Variants in LY9 observed in about 807,000 individuals in gnomAD.
LY9 encodes the protein lymphocyte antigen 9.
A neutral mutation model predicts 64.6 loss-of-function variants in LY9; 59 were observed. The observed-to-expected ratio is 0.91, with a 90% CI of 0.74 to 1.13. LY9 has a LOEUF of 1.13. Ranked by LOEUF, LY9 falls within the 50% of genes most tolerant of loss-of-function variation. LY9 has a pLI of 0.00. For missense variants in LY9, 789 were observed against 797.2 expected (o/e 0.99, Z 0.12); for synonymous variants, 281 against 308.5 (o/e 0.91, Z 0.93).
intron 1 of LY9, chr1:160,797,244 C>A: frequency 1.0e-6 from 1 of 985,538 alleles, no homozygotes; most frequent in Non-Finnish European, 1.2e-6. Flanking sequence ...TGTGCTCCCG[C>A]TTTCTCCAGG....
chr1:160,802,185 G>T, intron 2 of LY9: 1 of 1,234,984 alleles, frequency 8.1e-7, no homozygotes, highest in African/African-American at 1.6e-5. Flanking sequence ...GTGTGCCAGT[G>T]GGGTTTGTGC....
Position 160,814,547 on chromosome 1 carries a change from A to G in LY9, c.858A>G (p.Thr286=), listed in dbSNP as rs1193821869. ...DTEKVVWLFN[T]SIISKEREEA... Reference sequence around the variant, plus strand: ...AGAAGGTTGTCTGGTTGTTTAACACATCCATCATTAGCAAAGAGAGGGAAG... The same window carrying G: ...AGAAGGTTGTCTGGTTGTTTAACACGTCCATCATTAGCAAAGAGAGGGAAG... Residue 286 remains threonine (T), a synonymous_variant, in exon 4 of 10, where the codon ACA becomes ACG. Transcript: ENST00000263285. 6.2e-7 allele frequency: 1 copy of G among 1,614,162 alleles called. No homozygotes were observed. The highest frequency in any genetic ancestry group is 1.1e-5 in the South Asian group (1 of 91,084).
chr1:160,825,333 C>A (rs1010496403), intron 9 of LY9, among the ~76,000 whole-genome samples: 2 of 152,032 alleles, frequency 1.3e-5, no homozygotes, highest in African/African-American at 2.4e-5. Flanking sequence ...CTTCTTTGAT[C>A]TTTGTAATAC....
chr1:160,806,129 A>G (rs566598018), intron 2 of LY9, among the ~76,000 whole-genome samples: 2 of 152,114 alleles, frequency 1.3e-5, no homozygotes, highest in Non-Finnish European at 2.9e-5. Context: ...CCATTCCACC[A>G]TTCTACATCT....
rs577582273 is a variant in LY9 at position 160,804,539 on chromosome 1, G to C, written c.454+4457G>C. Among the ~76,000 whole-genome samples, 3 of 152,086 alleles carry C rather than the reference G, an allele frequency of 2.0e-5. No individual in the cohort carries two copies. The South Asian group carries it at 6.2e-4, about 32-fold the overall frequency. On this transcript the variant is annotated intron_variant, in intron 2 of 9. Coordinates refer to ENST00000263285, the MANE Select transcript of LY9 (RefSeq NM_002348.4). ...CTATGTTCATCAGGAATATTGGCCT[G>C]TAGTTTTCTTTTTGTTGTTGTGTCC...
At chr1:160,797,107 A>C in intron 1 of LY9, 1 of 985,418 alleles carries the variant, frequency 1.0e-6, no homozygotes, top group Non-Finnish European at 1.2e-6. Context: ...CCTCCCTATC[A>C]AGGCCCAACT....
At chr1:160,827,691 G>A in intron 9 of LY9, 57 bp from the exon 10 acceptor site, 5 of 1,371,396 alleles carry the variant, frequency 3.6e-6, no homozygotes, top group Non-Finnish European at 4.1e-6. Context: ...TCTTTCATCA[G>A]CCTCACTCTT....
rs117643795 is a variant in LY9 at position 160,822,932 on chromosome 1, C to A, written c.1499-533C>A. Among the ~76,000 whole-genome samples, 20 of 152,320 alleles carry A rather than the reference C, an allele frequency of 1.3e-4. No homozygotes were observed. In the East Asian group the frequency reaches 2.9e-3, roughly 22 times the overall value. ...CTGTTCCCTCCTCCACCTAGAATACCCTTCCACTCATCGAAATATTGAATC... is the reference window on the plus strand; with the variant it reads ...CTGTTCCCTCCTCCACCTAGAATACACTTCCACTCATCGAAATATTGAATC... On this transcript the variant is annotated intron_variant, in intron 7 of 9. Transcript: ENST00000263285.
At chr1:160,822,257 G>A (rs971259285) in intron 7 of LY9, among the ~76,000 whole-genome samples, 1 of 152,072 alleles carries the variant, frequency 6.6e-6, no homozygotes, top group Non-Finnish European at 1.5e-5. Flanking sequence ...GGTGGGGACC[G>A]GCTGCTGGTG....
intron 7 of LY9, among the ~76,000 whole-genome samples, chr1:160,821,863 A>T (rs1668479826): frequency 6.6e-6 from 1 of 152,236 alleles, no homozygotes; most frequent in African/African-American, 2.4e-5. Flanking sequence ...AGCATCAGGG[A>T]CAAGACTAGC....
chr1:160,800,191 G>T, intron 2 of LY9, 109 bp downstream of exon 2: 1 of 781,030 alleles, frequency 1.3e-6, no homozygotes, highest in Admixed American at 2.8e-5. Context: ...TACTGATCAA[G>T]TCAGAGTTTT....
intron 9 of LY9, among the ~76,000 whole-genome samples, chr1:160,825,020 T>C (rs1668778354): frequency 6.8e-6 from 1 of 146,626 alleles, no homozygotes; most frequent in Non-Finnish European, 1.5e-5. Context: ...CTGGGCAACA[T>C]GGTGAAACCC....
intron 5 of LY9, 58 bp downstream of exon 5, chr1:160,816,921 C>T (rs191705876): frequency 5.1e-6 from 8 of 1,557,982 alleles, no homozygotes; most frequent in East Asian, 2.2e-5. Flanking sequence ...CAAGAGTTTG[C>T]ATCCTGACTG....
chr1:160,813,222 C>G (rs748887624), intron 2 of LY9: 13 of 193,898 alleles, frequency 6.7e-5, no homozygotes, highest in Non-Finnish European at 1.3e-4. Flanking sequence ...ACCAAAGACA[C>G]GGGCAACTCA....
intron 2 of LY9, chr1:160,801,860 C>T: frequency 6.2e-7 from 1 of 1,614,204 alleles, no homozygotes; most frequent in Non-Finnish European, 8.5e-7. Context: ...AGGGCAGCGG[C>T]CTGGAGTCCA....
intron 7 of LY9, among the ~76,000 whole-genome samples, chr1:160,820,417 A>G (rs773189278): frequency 1.2e-4 from 19 of 152,174 alleles, no homozygotes; most frequent in Non-Finnish European, 2.6e-4. Context: ...GCTTTAAAAA[A>G]TAAATAAATA....
chr1:160,814,419 G>C lies in LY9; in HGVS notation c.731-1G>C. ...CTGCAATGTCTCATCTGTGACCCCAGATCCAGGAGCCTCCAGAGGAGGAAC... is the reference window on the plus strand; with the variant it reads ...CTGCAATGTCTCATCTGTGACCCCACATCCAGGAGCCTCCAGAGGAGGAAC... On this transcript the variant is annotated splice_acceptor_variant, in intron 3 of 9. Coordinates refer to ENST00000263285, the MANE Select transcript of LY9 (RefSeq NM_002348.4). LOFTEE classifies it high-confidence loss of function. 6.2e-7 allele frequency: 1 copy of C among 1,603,180 alleles called. No individual in the cohort carries two copies. The highest frequency in any genetic ancestry group is 8.5e-7 in the Non-Finnish European group (1 of 1,173,986).
chr1:160,821,510 A>C (rs957495149), intron 7 of LY9, among the ~76,000 whole-genome samples: 1 of 152,228 alleles, frequency 6.6e-6, no homozygotes, highest in Non-Finnish European at 1.5e-5. Flanking sequence ...AGTCCTTATT[A>C]ACAGACATTC....
At chr1:160,823,315 AC>A in intron 7 of LY9, 149 bp from the exon 8 acceptor site, 1 of 569,542 alleles carries the variant, frequency 1.8e-6, no homozygotes. Context: ...AGTGGAATGG[AC>A]CCCCTGAGGG....
Sources: gnomAD v4.1 joint callset for allele counts (sites outside exome capture counted in the v4.1 genomes callset) on GRCh38, gnomAD v4.1.1 for gene constraint, MANE v1.5 for transcripts, NCBI Gene and HGNC (gene_info 2026-07-23, HGNC 2026-07-21) for gene names.